DLC1: variants seen among roughly 807,000 people sequenced by gnomAD.
DLC1 encodes rho GTPase-activating protein 7.
Under a neutral mutation model 140.3 loss-of-function variants are expected in DLC1, and 54 were observed. The ratio of observed to expected loss-of-function variants is 0.38; its 90% CI spans 0.31 to 0.48. The LOEUF is 0.48. DLC1 is among the 20% of genes least tolerant of loss of function. DLC1 has a pLI of 0.96. For synonymous variants in DLC1, 986 were observed against 728.1 expected, an observed-to-expected ratio of 1.35 and a Z score of -5.70; for missense variants, 2,536 against 1,907.0, an observed-to-expected ratio of 1.33 and a Z score of -6.14.
intron 5 of DLC1, among the ~76,000 whole-genome samples, chr8:13,177,232 G>A (rs1706823800): frequency 6.6e-6 from 1 of 152,016 alleles, no homozygotes; most frequent in African/African-American, 2.4e-5. Context: ...AACAATTTTT[G>A]GGGGGTTTCT....
chr8:13,340,323 C>G (rs1833986259), intron 4 of DLC1: 1 of 152,290 alleles, frequency 6.6e-6, no homozygotes, highest in Non-Finnish European at 1.5e-5. Context: ...GCCTGAGCCT[C>G]CTGAGTTGCT....
intron 4 of DLC1, among the ~76,000 whole-genome samples, chr8:13,326,854 A>T (rs1328815876): frequency 2.0e-5 from 3 of 152,236 alleles, no homozygotes; most frequent in Admixed American, 6.5e-5. Context: ...CTAGGAGAAC[A>T]TGCTGGTGTG....
chr8:13,404,378 G>A (rs1299390471), intron 2 of DLC1, among the ~76,000 whole-genome samples: 7 of 152,100 alleles, frequency 4.6e-5, no homozygotes, highest in East Asian at 1.9e-4. Flanking sequence ...TAATTGGCCC[G>A]TTCGAGCTGG....
chr8:13,405,426 T>A (rs978820872), intron 2 of DLC1, among the ~76,000 whole-genome samples: 1 of 152,242 alleles, frequency 6.6e-6, no homozygotes, highest in Non-Finnish European at 1.5e-5. Flanking sequence ...GTTACTGATA[T>A]GTCATTTGGA....
At chr8:13,419,893 C>T (rs1238989112) in intron 2 of DLC1, among the ~76,000 whole-genome samples, 1 of 152,266 alleles carries the variant, frequency 6.6e-6, no homozygotes, top group Admixed American at 6.5e-5. Flanking sequence ...ATTTCAGATC[C>T]TGTTATTGGT....
At chr8:13,534,875 G>C (rs1434723227) in intron 1 of DLC1, among the ~76,000 whole-genome samples, 1 of 152,152 alleles carries the variant, frequency 6.6e-6, no homozygotes, top group Non-Finnish European at 1.5e-5. Flanking sequence ...AAAAATCTGA[G>C]AGATGTTTTG....
At chr8:13,377,515 A>C in intron 4 of DLC1, among the ~76,000 whole-genome samples, 1 of 152,174 alleles carries the variant, frequency 6.6e-6, no homozygotes, top group East Asian at 1.9e-4. Context: ...AAGTTTGTAG[A>C]AATGAAAACA....
intron 4 of DLC1, among the ~76,000 whole-genome samples, chr8:13,306,389 A>G (rs1318328532): frequency 6.6e-6 from 1 of 152,166 alleles, no homozygotes; most frequent in African/African-American, 2.4e-5. Flanking sequence ...CGTATAAAAT[A>G]TAGTTGAGGA....
chr8:13,517,575 G>A (rs528591175), upstream of DLC1, among the ~76,000 whole-genome samples: 139 of 152,256 alleles, frequency 9.1e-4, no homozygotes, highest in African/African-American at 3.1e-3. Flanking sequence ...AAGATAAATA[G>A]TGAGAAAACT....
chr8:13,086,020 T>G, intron 17 of DLC1, 89 bp from the exon 18 acceptor site: 1 of 1,546,392 alleles, frequency 6.5e-7, no homozygotes. Flanking sequence ...CTAGTTCAAA[T>G]GCATAAAATC....
At chr8:13,511,739 C>T (rs1021615323) in intron 1 of DLC1, among the ~76,000 whole-genome samples, 4 of 152,094 alleles carry the variant, frequency 2.6e-5, no homozygotes, top group African/African-American at 9.7e-5. Context: ...TGACATGTCT[C>T]TATTTTGATA....
At chr8:13,411,416 T>C (rs534391867) in intron 2 of DLC1, among the ~76,000 whole-genome samples, 14 of 152,286 alleles carry the variant, frequency 9.2e-5, no homozygotes, top group African/African-American at 3.4e-4. Context: ...ATCCAGACCA[T>C]AGAGGAGTTT....
chr8:13,496,951 C>A (rs1801542766), intron 2 of DLC1, among the ~76,000 whole-genome samples: 1 of 151,780 alleles, frequency 6.6e-6, no homozygotes, highest in East Asian at 1.9e-4. Flanking sequence ...TAGGCGCCTG[C>A]CACCATGCCT....
intron 1 of DLC1, among the ~76,000 whole-genome samples, chr8:13,590,740 C>T (rs779793570): frequency 3.3e-5 from 5 of 151,982 alleles, no homozygotes; most frequent in Non-Finnish European, 5.9e-5. Context: ...TTTTAAATAG[C>T]TTCATGCCTA....
chr8:13,229,720 T>C (rs112478540), intron 5 of DLC1, among the ~76,000 whole-genome samples: 6,720 of 152,180 alleles, frequency 0.044, 363 homozygotes, highest in African/African-American at 0.12. Context: ...GTGACATTTC[T>C]GCCATGAAAG....
At chr8:13,215,285 T>C (rs1828141241) in intron 5 of DLC1, among the ~76,000 whole-genome samples, 2 of 152,158 alleles carry the variant, frequency 1.3e-5, no homozygotes, top group East Asian at 1.9e-4. Context: ...AGACTCTGAA[T>C]TTAAATATTA....
chr8:13,095,549 C>T (rs906679771), intron 10 of DLC1: 8 of 305,290 alleles, frequency 2.6e-5, no homozygotes, highest in African/African-American at 1.7e-4. Context: ...TGGGGGTTGA[C>T]AGGTCCGTTT....
intron 5 of DLC1, among the ~76,000 whole-genome samples, chr8:13,275,526 T>G (rs1029768243): frequency 6.6e-6 from 1 of 152,174 alleles, no homozygotes; most frequent in African/African-American, 2.4e-5. Context: ...AACCCTACCC[T>G]AATTCGGAGA....
intron 5 of DLC1, among the ~76,000 whole-genome samples, chr8:13,122,384 T>C (rs928332462): frequency 5.9e-5 from 9 of 152,272 alleles, no homozygotes; most frequent in African/African-American, 2.2e-4. Flanking sequence ...TCAAATGAAT[T>C]ACCCCTTCTT....
Sources: gnomAD v4.1 joint callset for allele counts (sites outside exome capture counted in the v4.1 genomes callset) on GRCh38, gnomAD v4.1.1 for gene constraint, MANE v1.5 for transcripts, NCBI Gene and HGNC (gene_info 2026-07-23, HGNC 2026-07-21) for gene names.